Variants in CDH4 observed in about 807,000 individuals in gnomAD.
CDH4 encodes cadherin-4.
CDH4 carries 33 observed loss-of-function variants against 86.0 expected under a neutral mutation model. The ratio of observed to expected loss-of-function variants is 0.38; its 90% CI spans 0.29 to 0.51. The LOEUF (loss-of-function observed/expected upper bound fraction) is 0.51. CDH4 is among the 20% of genes least tolerant of loss of function. CDH4 has a pLI of 0.86. For missense variants in CDH4, 1,114 were observed against 1,307.4 expected, an observed-to-expected ratio of 0.85 and a Z score of 2.28; for synonymous variants, 555 against 549.4, an observed-to-expected ratio of 1.01 and a Z score of -0.14.
At chr20:61,936,296 CCCTATAAA>C in intron 15 of CDH4, among the ~76,000 whole-genome samples, 1 of 117,376 alleles carries the variant, frequency 8.5e-6, no homozygotes, top group African/African-American at 3.3e-5. Context: ...CCTGCCCTTC[CCCTATAAA>C]CCCTCACAGC....
chr20:61,655,348 T>C (rs1189665235), intron 2 of CDH4, among the ~76,000 whole-genome samples: 5 of 152,176 alleles, frequency 3.3e-5, no homozygotes, highest in Admixed American at 2.0e-4. Context: ...TATGTAAATA[T>C]CATTTTTTAA....
chr20:61,805,311 G>A (rs559762489), intron 4 of CDH4, among the ~76,000 whole-genome samples: 1 of 152,348 alleles, frequency 6.6e-6, no homozygotes, highest in Admixed American at 6.5e-5. Flanking sequence ...GTGGACAGTG[G>A]ACAGTGAGCA....
intron 2 of CDH4, among the ~76,000 whole-genome samples, chr20:61,319,810 C>G (rs903000866): frequency 6.6e-6 from 1 of 151,486 alleles, no homozygotes; most frequent in Non-Finnish European, 1.5e-5. Flanking sequence ...CAAAATTAAC[C>G]AGGCGTGGTG....
chr20:61,549,252 T>C (rs1206519937), intron 2 of CDH4, among the ~76,000 whole-genome samples: 1 of 152,130 alleles, frequency 6.6e-6, no homozygotes, highest in Admixed American at 6.5e-5. Flanking sequence ...TGACAGTCGC[T>C]GGTTAAAGTG....
At chr20:61,436,985 G>C (rs1204996895) in intron 2 of CDH4, 2 of 152,368 alleles carry the variant, frequency 1.3e-5, no homozygotes, top group African/African-American at 2.4e-5. Context: ...GGCCTGTTTT[G>C]CCCCCTCCTG....
intron 2 of CDH4, among the ~76,000 whole-genome samples, chr20:61,562,995 C>A (rs2086232594): frequency 6.6e-6 from 1 of 152,180 alleles, no homozygotes; most frequent in African/African-American, 2.4e-5. Context: ...GCACCAGTGG[C>A]CCTGCACTGT....
chr20:61,831,493 C>T (rs1981611443), intron 4 of CDH4, among the ~76,000 whole-genome samples: 1 of 152,266 alleles, frequency 6.6e-6, no homozygotes, highest in South Asian at 2.1e-4. Context: ...TTGGCCACAG[C>T]CAGGCCTGAC....
At chr20:61,768,108 A>T (rs796564030) in intron 3 of CDH4, among the ~76,000 whole-genome samples, 7 of 152,294 alleles carry the variant, frequency 4.6e-5, no homozygotes, top group African/African-American at 1.7e-4. Context: ...CTTGAGCTAA[A>T]CTGTCAGGAT....
rs2055238330 is a variant in CDH4 at position 61,939,514 on chromosome 20, C to T, written c.*2571C>T. 2 of 152,468 alleles carry T rather than the reference C, an allele frequency of 1.3e-5. No homozygotes were observed. Among genetic ancestry groups the T allele is most frequent in the African/African-American group, 4.8e-5 (2 of 41,480 alleles). The allele number at this position is 152,468 out of a possible 1,614,324, so 9.4% of individuals were successfully genotyped here. A position where few individuals can be genotyped will look rare whatever the true frequency, so the allele number is the denominator to read the frequency against. On this transcript the variant is annotated 3_prime_UTR_variant, in exon 16 of 16. Coordinates refer to ENST00000614565, the MANE Select transcript of CDH4 (RefSeq NM_001794.5). ...CTGGACAGCTTCCCCTCTACCCCCA[C>T]CCTGGTGAGCCCCTGGGGGCCAGAG...
intron 5 of CDH4, 29 bp from the exon 6 acceptor site, chr20:61,852,725 A>G (rs373562949): frequency 1.2e-6 from 2 of 1,604,026 alleles, no homozygotes; most frequent in Non-Finnish European, 1.7e-6. Flanking sequence ...CCCACCCGCC[A>G]CTGGGCCCTG....
At chr20:61,433,085 T>TGCCTTG (rs1208695235) in intron 2 of CDH4, among the ~76,000 whole-genome samples, 2 of 152,164 alleles carry the variant, frequency 1.3e-5, no homozygotes, top group East Asian at 3.8e-4. Flanking sequence ...GTGATCCGCC[T>TGCCTTG]GCCTTGGCCT....
At position 61,929,609 on chromosome 20, in the gene CDH4, G is replaced by A. The variant is rs1397595906; in HGVS notation, c.2006G>A (p.Gly669Asp). The A allele has an allele frequency of 6.2e-7, 1 of 1,612,512 alleles. No homozygotes were observed. Among genetic ancestry groups the A allele is most frequent in the East Asian group, 2.2e-5 (1 of 44,870 alleles). Residue 669 changes from glycine to aspartate, a missense_variant and splice_region_variant, in exon 13 of 16, where the codon GGT becomes GAT. Around this residue, in one of 3 missense-constraint regions of CDH4, gnomAD observed 705 missense variants for 914.1 expected, o/e 0.77. Transcript: ENST00000614565. ...AATGTTTACTGTTGCTTTGCACCAG[G>A]TGACTATGCCCAACTCAGCTTGCGC... ...RKNWTITRLNGDYAQLSLRIL... is the reference protein window; with the variant it reads ...RKNWTITRLNDDYAQLSLRIL...
intron 2 of CDH4, among the ~76,000 whole-genome samples, chr20:61,522,613 AT>A (rs2085878281): frequency 6.6e-6 from 1 of 152,056 alleles, no homozygotes; most frequent in South Asian, 2.1e-4. Flanking sequence ...TAATTGATTC[AT>A]TTTCCCCCCA....
chr20:61,556,360 G>C (rs1332546112), intron 2 of CDH4, among the ~76,000 whole-genome samples: 1 of 152,118 alleles, frequency 6.6e-6, no homozygotes, highest in Non-Finnish European at 1.5e-5. Flanking sequence ...GGAGAGAGAG[G>C]CTCCGGGGGG....
chr20:61,547,832 C>A (rs374447405), intron 2 of CDH4, among the ~76,000 whole-genome samples: 6 of 152,246 alleles, frequency 3.9e-5, no homozygotes, highest in African/African-American at 1.4e-4. Context: ...CCTGCACATA[C>A]ACGCACATAT....
chr20:61,305,662 G>A (rs1309577560), intron 2 of CDH4, among the ~76,000 whole-genome samples: 2 of 152,164 alleles, frequency 1.3e-5, no homozygotes, highest in Non-Finnish European at 2.9e-5. Flanking sequence ...CCATGAGTTT[G>A]TGCATTTCCA....
At chr20:61,862,977 C>G (rs972023640) in intron 6 of CDH4, among the ~76,000 whole-genome samples, 3 of 152,066 alleles carry the variant, frequency 2.0e-5, no homozygotes, top group African/African-American at 7.2e-5. Flanking sequence ...CGGCAGAAGT[C>G]CCCCTGAGGT....
intron 2 of CDH4, among the ~76,000 whole-genome samples, chr20:61,631,958 C>T (rs1419053181): frequency 6.6e-6 from 1 of 152,244 alleles, no homozygotes; most frequent in African/African-American, 2.4e-5. Flanking sequence ...GGTGGAGCCA[C>T]GCAGGTTATT....
At chr20:61,770,243 C>T (rs918625637) in intron 3 of CDH4, among the ~76,000 whole-genome samples, 1 of 152,184 alleles carries the variant, frequency 6.6e-6, no homozygotes, top group African/African-American at 2.4e-5. Flanking sequence ...AGGCTGGGAG[C>T]GCCCCATGGA....
Sources: gnomAD v4.1 joint callset for allele counts (sites outside exome capture counted in the v4.1 genomes callset) on GRCh38, gnomAD v4.1.1 for gene constraint, gnomAD v4.1.1 regional missense constraint, MANE v1.5 for transcripts, NCBI Gene and HGNC (gene_info 2026-07-23, HGNC 2026-07-21) for gene names.